Variants in TRHDE observed in about 807,000 individuals in gnomAD.
TRHDE encodes thyrotropin-releasing hormone-degrading ectoenzyme.
A neutral mutation model predicts 125.7 loss-of-function variants in TRHDE; 72 were observed. That is an observed-to-expected ratio of 0.57 (90% CI 0.47 to 0.70). The LOEUF (loss-of-function observed/expected upper bound fraction) is 0.70. Ranked by LOEUF, TRHDE falls within the 30% of genes least tolerant of loss-of-function variation. TRHDE has a pLI of 0.00. For missense variants in TRHDE, 1,110 were observed against 1,327.1 expected (o/e 0.84, Z 2.54); for synonymous variants, 509 against 509.1 (o/e 1.00, Z 0.00).
intron 7 of TRHDE, among the ~76,000 whole-genome samples, chr12:72,556,450 A>C (rs1869926507): frequency 6.6e-6 from 1 of 152,230 alleles, no homozygotes; most frequent in Non-Finnish European, 1.5e-5. Flanking sequence ...ACAGGAGTGA[A>C]GGTTTAGCTG....
chr12:72,652,596 A>C, intron 16 of TRHDE, 107 bp downstream of exon 16: 1 of 763,444 alleles, frequency 1.3e-6, no homozygotes, highest in Non-Finnish European at 2.0e-6. Context: ...GTTATTTTAA[A>C]ATATATCTTC....
At chr12:72,427,558 G>A (rs556526610) in intron 3 of TRHDE, among the ~76,000 whole-genome samples, 2 of 151,946 alleles carry the variant, frequency 1.3e-5, no homozygotes, top group South Asian at 2.1e-4. Context: ...GGGGAAGAAG[G>A]GATTAGAGAA....
chr12:72,493,166 T>G (rs773856432), intron 5 of TRHDE, among the ~76,000 whole-genome samples: 5 of 151,934 alleles, frequency 3.3e-5, no homozygotes, highest in Non-Finnish European at 5.9e-5. Context: ...TTCCAAGGAT[T>G]AAAAAACTTC....
chr12:72,117,782 A>G (rs1875482206), intron 2 of TRHDE, among the ~76,000 whole-genome samples: 1 of 150,142 alleles, frequency 6.7e-6, no homozygotes, highest in Admixed American at 6.6e-5. Context: ...TCATGTAGAG[A>G]TATTTTACTT....
Position 72,215,110 on chromosome 12 carries a change from G to A in TRHDE, n.279+109358G>A, listed in dbSNP as rs549143362. Among the ~76,000 whole-genome samples, 97 of 152,226 alleles carry A rather than the reference G, an allele frequency of 6.4e-4. 1 individual carries two copies. Among genetic ancestry groups the A allele is most frequent in the Middle Eastern group, 3.4e-3 (1 of 294 alleles). Reference sequence around the variant, plus strand: ...GGCTGAGTCCAAAAAGAGAGTCAGCGAAGGGAGATAAGGGTGGGGCCGTTT... The same window carrying A: ...GGCTGAGTCCAAAAAGAGAGTCAGCAAAGGGAGATAAGGGTGGGGCCGTTT... On this transcript the variant is annotated intron_variant and non_coding_transcript_variant, in intron 2 of 4. Coordinates refer to the TRHDE transcript ENST00000548156.
rs1309735446 is a variant in TRHDE at position 72,248,232 on chromosome 12, A to G, written n.280-129763A>G. On this transcript the variant is annotated intron_variant and non_coding_transcript_variant, in intron 2 of 4. Transcript: ENST00000548156. ...CAAGAGATCGAGATCATCCTGGCCA[A>G]CATGGTGAAACCCCGTCTCTACTAA... Among the ~76,000 whole-genome samples, 5 of 152,286 alleles carry G rather than the reference A, an allele frequency of 3.3e-5. No homozygotes were observed. The South Asian group carries it at 1.0e-3, about 32-fold the overall frequency.
At chr12:72,399,510 T>C (rs952601040) in intron 3 of TRHDE, among the ~76,000 whole-genome samples, 3 of 152,202 alleles carry the variant, frequency 2.0e-5, no homozygotes, top group African/African-American at 7.2e-5. Context: ...AGAGATGTTT[T>C]ACTTATTATT....
At chr12:72,090,830 A>G (rs569840010) in intron 1 of TRHDE, among the ~76,000 whole-genome samples, 1 of 151,678 alleles carries the variant, frequency 6.6e-6, no homozygotes, top group African/African-American at 2.4e-5. Context: ...ATTTTTAGTT[A>G]TTTCAAAGAT....
At chr12:72,183,317 A>G (rs746971059) in intron 2 of TRHDE, among the ~76,000 whole-genome samples, 5 of 152,236 alleles carry the variant, frequency 3.3e-5, no homozygotes, top group Non-Finnish European at 5.9e-5. Flanking sequence ...TAGCATTTTA[A>G]TAGCCCCCTT....
intron 2 of TRHDE, among the ~76,000 whole-genome samples, chr12:72,166,396 T>C (rs1876749619): frequency 1.3e-5 from 2 of 152,096 alleles, no homozygotes; most frequent in South Asian, 4.2e-4. Flanking sequence ...TGCACACACA[T>C]ATACAATTAC....
chr12:72,276,728 T>C (rs1879500277), intron 1 of TRHDE, among the ~76,000 whole-genome samples: 1 of 152,228 alleles, frequency 6.6e-6, no homozygotes. Context: ...TCTCTACTCT[T>C]GGTTACTACA....
At chr12:72,129,689 A>G (rs1001282690) in intron 2 of TRHDE, among the ~76,000 whole-genome samples, 3 of 152,216 alleles carry the variant, frequency 2.0e-5, no homozygotes, top group Non-Finnish European at 4.4e-5. Flanking sequence ...TGGATACTGC[A>G]ATCAGTTAAA....
At chr12:72,088,196 A>G (rs1206127529) in intron 1 of TRHDE, among the ~76,000 whole-genome samples, 1 of 152,158 alleles carries the variant, frequency 6.6e-6, no homozygotes, top group East Asian at 1.9e-4. Context: ...TAGATATCAA[A>G]TTAAATCATC....
intron 2 of TRHDE, among the ~76,000 whole-genome samples, chr12:72,175,522 A>G (rs1040232389): frequency 1.3e-5 from 2 of 152,198 alleles, no homozygotes; most frequent in African/African-American, 4.8e-5. Flanking sequence ...TCAGCAGAGG[A>G]AAAAATGAAG....
At chr12:72,584,601 T>G (rs1431665024) in intron 12 of TRHDE, among the ~76,000 whole-genome samples, 2 of 152,188 alleles carry the variant, frequency 1.3e-5, no homozygotes, top group Admixed American at 1.3e-4. Context: ...TAGTCTCTAT[T>G]TCTATGAGAT....
intron 15 of TRHDE, among the ~76,000 whole-genome samples, chr12:72,650,422 A>G (rs566530777): frequency 6.6e-6 from 1 of 152,258 alleles, no homozygotes; most frequent in Admixed American, 6.5e-5. Context: ...TGTGGCACTC[A>G]AGTGCCTTCC....
intron 15 of TRHDE, among the ~76,000 whole-genome samples, chr12:72,622,423 G>A (rs1873091143): frequency 6.6e-6 from 1 of 151,914 alleles, no homozygotes. Context: ...CCTTCTTAAG[G>A]TACCTTTATA....
At chr12:72,660,143 G>A (rs972731120) in intron 18 of TRHDE, among the ~76,000 whole-genome samples, 13 of 152,308 alleles carry the variant, frequency 8.5e-5, no homozygotes, top group East Asian at 3.9e-4. Flanking sequence ...AGCAGAGAGG[G>A]AAGGCAGCAT....
chr12:72,352,180 TA>T (rs1870611471), intron 2 of TRHDE, among the ~76,000 whole-genome samples: 1 of 151,778 alleles, frequency 6.6e-6, no homozygotes, highest in Non-Finnish European at 1.5e-5. Context: ...TCGTTAAGCT[TA>T]AATTGAATGA....
Sources: gnomAD v4.1 joint callset for allele counts (sites outside exome capture counted in the v4.1 genomes callset) on GRCh38, gnomAD v4.1.1 for gene constraint, MANE v1.5 for transcripts, NCBI Gene and HGNC (gene_info 2026-07-23, HGNC 2026-07-21) for gene names.